The following AGGF1 variants were observed in gnomAD, a reference collection of about 807,000 sequenced individuals.
AGGF1 encodes angiogenic factor with G patch and FHA domains 1.
Under a neutral mutation model 86.5 loss-of-function variants are expected in AGGF1, and 56 were observed. The ratio of observed to expected loss-of-function variants is 0.65; its 90% confidence interval spans 0.52 to 0.81. The LOEUF is 0.81. AGGF1 is among the 30% of genes least tolerant of loss of function. The pLI is 0.00. For missense variants in AGGF1, 816 were observed against 850.9 expected (o/e 0.96, Z 0.51); for synonymous variants, 313 against 297.1 (o/e 1.05, Z -0.55).
At chr5:77,037,830 A>G (rs757110325) in intron 4 of AGGF1, among the ~76,000 whole-genome samples, 7 of 152,228 alleles carry the variant, frequency 4.6e-5, no homozygotes, top group Non-Finnish European at 7.3e-5. Flanking sequence ...GGGAATTAAT[A>G]TGGGATCTAA....
At chr5:77,038,753 G>A (rs931552638) in intron 4 of AGGF1, among the ~76,000 whole-genome samples, 1 of 152,094 alleles carries the variant, frequency 6.6e-6, no homozygotes, top group Non-Finnish European at 1.5e-5. Flanking sequence ...TCCGGGTCTG[G>A]TCTGCATGGA....
At chr5:77,048,915 A>G (rs771050048) in intron 7 of AGGF1, 21 bp from the exon 8 acceptor site, 2 of 1,611,848 alleles carry the variant, frequency 1.2e-6, no homozygotes, top group Admixed American at 3.3e-5. Flanking sequence ...ATTATTAAAG[A>G]CACTTTACTT....
At chr5:77,060,734 G>A (rs553117393) in intron 12 of AGGF1, among the ~76,000 whole-genome samples, 4 of 152,208 alleles carry the variant, frequency 2.6e-5, no homozygotes, top group African/African-American at 4.8e-5. Context: ...TAAAATAATG[G>A]TGTACCTTAG....
chr5:77,046,398 A>G lies in AGGF1; in HGVS notation c.922A>G (p.Asn308Asp). The change falls in exon 6 of 14, where the codon AAT becomes GAT. Residue 308 changes from asparagine to aspartate, a missense_variant. Transcript: ENST00000312916. ...CTTCAGTGTTGAACATACAAGCTGC[A>G]ATGAGGAAGAAAATTTCGCAAATAT... is the stretch of plus-strand genomic sequence containing the variant. ...KAFSVEHTSC[N>D]EEENFANMKK... The G allele has an allele frequency of 6.2e-7, 1 of 1,613,972 alleles. No homozygotes were observed. The highest frequency in any genetic ancestry group is 1.1e-5 in the South Asian group (1 of 91,076).
chr5:77,030,861 T>C lies in AGGF1; in HGVS notation c.95T>C (p.Leu32Ser). Residue 32 changes from leucine to serine, a missense_variant, in exon 1 of 14, where the codon TTG becomes TCG. By Grantham distance (145) the Leu-to-Ser change is moderately radical. This residue lies in a region of AGGF1 where 240 missense variants were observed against 234.4 expected (regional missense o/e 1.02). Coordinates refer to ENST00000312916, the MANE Select transcript of AGGF1 (RefSeq NM_018046.5). The part of the protein sequence containing the change: ...LAQLRRKVEK[L>S]ERELRSCKRQ... ...CAGCTAAGGCGGAAGGTGGAGAAGT[T>C]GGAACGTGAACTGCGGAGCTGCAAG... 1 of 1,613,172 alleles carries C rather than the reference T, an allele frequency of 6.2e-7. No homozygotes were observed.
chr5:77,061,784 T>C lies in AGGF1; in HGVS notation c.1926T>C (p.Gly642=). 1 of 1,584,996 alleles carries C rather than the reference T, an allele frequency of 6.3e-7. No individual in the cohort carries two copies. The highest frequency in any genetic ancestry group is 8.6e-7 in the Non-Finnish European group (1 of 1,159,454). The change falls in exon 13 of 14, where the codon GGT becomes GGC. Residue 642 remains glycine, a synonymous_variant. Transcript: ENST00000312916. ...AAGGAGAGGGCCTGGGGAAGGATGGTGGAGGAATGAAAACGCCGGTAAGAC... is the reference window on the plus strand; with the variant it reads ...AAGGAGAGGGCCTGGGGAAGGATGGCGGAGGAATGAAAACGCCGGTAAGAC... ...WKKGEGLGKD[G]GGMKTPIQLQ...
At chr5:77,048,839 G>T (rs375281278) in intron 7 of AGGF1, 97 bp from the exon 8 acceptor site, 23 of 1,117,486 alleles carry the variant, frequency 2.1e-5, no homozygotes, top group Non-Finnish European at 2.8e-5. Context: ...GTTGATAGAC[G>T]TGTATTTTAA....
chr5:77,057,752 A>G (rs555365056), intron 11 of AGGF1, among the ~76,000 whole-genome samples: 2 of 152,338 alleles, frequency 1.3e-5, no homozygotes, highest in African/African-American at 4.8e-5. Context: ...CCTGGAAAGC[A>G]TCGCACCTTG....
chr5:77,048,799 A>G, intron 7 of AGGF1, 137 bp from the exon 8 acceptor site: 1 of 827,608 alleles, frequency 1.2e-6, no homozygotes, highest in Non-Finnish European at 2.0e-6. Flanking sequence ...CAGTAAGGAA[A>G]CTGGATAATC....
chr5:77,054,159 G>T (rs1747422870), intron 10 of AGGF1, 29 bp downstream of exon 10: 2 of 1,613,300 alleles, frequency 1.2e-6, no homozygotes, highest in African/African-American at 2.7e-5. Context: ...ATGTGGCTGT[G>T]ATAACATTTC....
rs79277073 is a variant in AGGF1 at position 77,030,439 on chromosome 5, G to T, written c.-328G>T. ...CCGGCTCAACTGGGGAGCTGCTGGAGCTCTTCTGGCCTCTGGTTTTCCGAC... is the reference window on the plus strand; with the variant it reads ...CCGGCTCAACTGGGGAGCTGCTGGATCTCTTCTGGCCTCTGGTTTTCCGAC... On this transcript the variant is annotated 5_prime_UTR_variant, in exon 1 of 14. Coordinates refer to ENST00000312916, the MANE Select transcript of AGGF1 (RefSeq NM_018046.5). 5.6e-6 allele frequency: 3 copies of T among 537,128 alleles called. No individual in the cohort carries two copies. Among genetic ancestry groups the T allele is most frequent in the African/African-American group, 1.9e-5 (1 of 52,904 alleles). The allele number at this position is 537,128 out of a possible 1,614,324, so 33.3% of individuals were successfully genotyped here. A position where few individuals can be genotyped will look rare whatever the true frequency, so the allele number is the denominator to read the frequency against.
chr5:77,037,618 A>C (rs987203579), intron 4 of AGGF1, among the ~76,000 whole-genome samples: 15 of 152,170 alleles, frequency 9.9e-5, no homozygotes, highest in African/African-American at 3.6e-4. Context: ...TCTATAAAAA[A>C]TTTTAAAAGT....
intron 4 of AGGF1, among the ~76,000 whole-genome samples, chr5:77,039,056 C>G (rs575576763): frequency 6.6e-6 from 1 of 152,054 alleles, no homozygotes; most frequent in Non-Finnish European, 1.5e-5. Flanking sequence ...AAAGACAAAT[C>G]TTTGTTTTAT....
At chr5:77,051,659 C>T (rs919956684) in intron 8 of AGGF1, among the ~76,000 whole-genome samples, 3 of 152,246 alleles carry the variant, frequency 2.0e-5, no homozygotes, top group Admixed American at 2.0e-4. Context: ...TGAAGATTTG[C>T]TTATGTTATG....
chr5:77,055,980 C>A (rs562355995), intron 11 of AGGF1, among the ~76,000 whole-genome samples: 104 of 152,228 alleles, frequency 6.8e-4, no homozygotes, highest in African/African-American at 2.4e-3. Flanking sequence ...GCACTCCAGC[C>A]TGGGCAATAT....
intron 5 of AGGF1, among the ~76,000 whole-genome samples, chr5:77,043,608 A>G (rs1178736093): frequency 1.6e-5 from 1 of 64,232 alleles, no homozygotes; most frequent in Admixed American, 1.7e-4. Flanking sequence ...CCCGGATGGC[A>G]CGGCTGGCCG....
chr5:77,058,968 T>A (rs998860762), intron 11 of AGGF1, among the ~76,000 whole-genome samples: 1 of 152,212 alleles, frequency 6.6e-6, no homozygotes, highest in African/African-American at 2.4e-5. Flanking sequence ...AATAAGTCAC[T>A]TAAATGGAGC....
In AGGF1 at chr5:77,030,505, A is replaced by G. The variant is rs1313918476; in HGVS notation, c.-262A>G. The G allele has an allele frequency of 3.0e-6, 2 of 663,616 alleles. No individual in the cohort carries two copies. Among genetic ancestry groups the G allele is most frequent in the Admixed American group, 2.1e-5 (1 of 48,686 alleles). The allele number at this position is 663,616 out of a possible 1,614,324, so 41.1% of individuals were successfully genotyped here. A position where few individuals can be genotyped will look rare whatever the true frequency, so the allele number is the denominator to read the frequency against. On this transcript the variant is annotated 5_prime_UTR_variant, in exon 1 of 14. Coordinates refer to ENST00000312916, the MANE Select transcript of AGGF1 (RefSeq NM_018046.5). ...CCTCCCTCTGTCTCTGTAGCTGGAG[A>G]AGGTAGTTTCCAGGAAAGTTTTCCG...
chr5:77,060,287 T>C (rs1163834125), intron 12 of AGGF1, among the ~76,000 whole-genome samples: 1 of 152,196 alleles, frequency 6.6e-6, no homozygotes, highest in African/African-American at 2.4e-5. Context: ...CACATATATG[T>C]ATGTTAACAG....
Sources: allele counts gnomAD v4.1 joint callset (sites outside exome capture counted in the v4.1 genomes callset), GRCh38; gene constraint gnomAD v4.1.1; regional missense constraint gnomAD v4.1.1; transcripts MANE v1.5; gene names NCBI Gene and HGNC (gene_info 2026-07-23, HGNC 2026-07-21).